NPEPL1: variants seen among roughly 807,000 people sequenced by gnomAD.
NPEPL1 encodes probable aminopeptidase NPEPL1.
A neutral mutation model predicts 52.4 loss-of-function variants in NPEPL1; 45 were observed. The observed-to-expected ratio is 0.86, with a 90% confidence interval of 0.68 to 1.10. The LOEUF (loss-of-function observed/expected upper bound fraction) is 1.10, where lower values mean the gene tolerates loss of function less well. Ranked by LOEUF, NPEPL1 falls within the 50% of genes least tolerant of loss-of-function variation. The probability of loss-of-function intolerance (pLI) is 0.00; values close to 1 mark genes in which losing one functional copy is unlikely to be tolerated. For missense variants in NPEPL1, 696 were observed against 710.9 expected, an observed-to-expected ratio of 0.98 and a Z score of 0.24; for synonymous variants, 360 against 314.7, an observed-to-expected ratio of 1.14 and a Z score of -1.52.
chr20:58,714,611 A>G lies in NPEPL1; in HGVS notation c.1354A>G (p.Ile452Val), dbSNP rs1376279156. 3.8e-6 allele frequency: 6 copies of G among 1,597,158 alleles called. 1 individual carries two copies. Among genetic ancestry groups the G allele is most frequent in the South Asian group, 2.3e-5 (2 of 88,514 alleles). Reference sequence around the variant, plus strand: ...TGCTGGCCTCTTCATCGCCTCACACATCGGCTTCGACTGGCCCGGAGTCTG... The same window carrying G: ...TGCTGGCCTCTTCATCGCCTCACACGTCGGCTTCGACTGGCCCGGAGTCTG... ...SCAGLFIASH[I>V]GFDWPGVWVH... The change falls in exon 11 of 12, where the codon ATC (isoleucine) becomes GTC (valine). Residue 452 changes from isoleucine to valine, a missense_variant. Physicochemically the swap from Ile to Val is conservative, Grantham distance 29. Coordinates refer to ENST00000356091, the MANE Select transcript of NPEPL1 (RefSeq NM_024663.4).
intron 3 of NPEPL1, among the ~76,000 whole-genome samples, chr20:58,695,340 G>T (rs1429109952): frequency 3.0e-3 from 5 of 1,682 alleles, no homozygotes; most frequent in Non-Finnish European, 8.4e-3. Flanking sequence ...TGGTGTGTGT[G>T]CATGTGTGTT....
At chr20:58,697,439 G>A (rs759103914) in intron 3 of NPEPL1, among the ~76,000 whole-genome samples, 9 of 152,232 alleles carry the variant, frequency 5.9e-5, no homozygotes, top group Non-Finnish European at 1.0e-4. Context: ...CGGCAGGGAC[G>A]GCTCAGGCAC....
chr20:58,712,111 A>C (rs912904), intron 7 of NPEPL1, among the ~76,000 whole-genome samples: 1 of 47,362 alleles, frequency 2.1e-5, no homozygotes, highest in Admixed American at 3.6e-4. Flanking sequence ...CTGTGTGTGT[A>C]CGTGTGTGTG....
At chr20:58,691,135 A>C (rs887308180), upstream of NPEPL1, 7 of 703,092 alleles carry the variant, frequency 1.0e-5, no homozygotes, top group African/African-American at 1.2e-4. Flanking sequence ...CTCTAGGAAG[A>C]TCCTCCAGCT....
intron 6 of NPEPL1, among the ~76,000 whole-genome samples, chr20:58,701,768 G>A (rs920623550): frequency 1.2e-4 from 19 of 152,250 alleles, no homozygotes; most frequent in African/African-American, 4.3e-4. Context: ...CCAAAGGCAC[G>A]TGACCCCCAA....
chr20:58,705,770 C>T (rs1252606687), intron 6 of NPEPL1, among the ~76,000 whole-genome samples: 2 of 152,180 alleles, frequency 1.3e-5, no homozygotes, highest in Non-Finnish European at 2.9e-5. Flanking sequence ...ACATGGTGTA[C>T]AGTGAGCAGC....
intron 6 of NPEPL1, among the ~76,000 whole-genome samples, chr20:58,703,273 G>A (rs376005112): frequency 5.3e-5 from 8 of 152,214 alleles, no homozygotes; most frequent in African/African-American, 1.2e-4. Flanking sequence ...AAACGCAACC[G>A]TAGCCACAGC....
upstream of NPEPL1, chr20:58,691,074 G>C (rs201333359): frequency 8.5e-6 from 6 of 702,558 alleles, no homozygotes; most frequent in East Asian, 1.6e-4. Context: ...CAATCTCTTC[G>C]CCTGTGGAAG....
rs2084932416 is a variant in NPEPL1 at position 58,715,337 on chromosome 20, T to G, written c.*11T>G. The G allele has an allele frequency of 6.3e-7, 1 of 1,592,526 alleles. No individual in the cohort carries two copies. The highest frequency in any genetic ancestry group is 1.3e-5 in the African/African-American group (1 of 74,138). On this transcript the variant is annotated 3_prime_UTR_variant, in exon 12 of 12. Transcript: ENST00000356091. ...CGCAGGCTTGTGTGAGCCTCCTGCC[T>G]CGGCCCTGACAAACGGGGATCTTTT... is the stretch of plus-strand genomic sequence containing the variant.
chr20:58,714,113 C>G lies in NPEPL1; in HGVS notation c.1302+20C>G. 6.5e-7 allele frequency: 1 copy of G among 1,528,610 alleles called. No individual in the cohort carries two copies. The highest frequency in any genetic ancestry group is 1.2e-5 in the South Asian group (1 of 80,300). 94.7% of individuals were successfully genotyped at this position (1,528,610 alleles called of 1,614,324 possible). On this transcript the variant is annotated intron_variant, in intron 10 of 11. Transcript: ENST00000356091. The stretch of plus-strand genomic sequence containing the variant: ...GTGGCGGTAGGTTTGGAGCCTCGAA[C>G]CTGGAGCCTGCCACATGGGTGGAGC...
intron 4 of NPEPL1, among the ~76,000 whole-genome samples, 176 bp from the exon 5 acceptor site, chr20:58,699,021 T>A (rs6092684): frequency 0.43 from 64,635 of 152,032 alleles, 14,093 homozygotes; most frequent in Non-Finnish European, 0.46. Flanking sequence ...GAAATGAGAG[T>A]GTGTGGAGGG....
intron 3 of NPEPL1, among the ~76,000 whole-genome samples, chr20:58,695,677 T>C (rs1282658136): frequency 2.0e-5 from 3 of 152,222 alleles, no homozygotes; most frequent in African/African-American, 7.2e-5. Flanking sequence ...CTGTGTGCTC[T>C]CTGAGGCCTG....
rs1381307663 is a variant in NPEPL1 at position 58,715,264 on chromosome 20, T to C, written c.1510T>C (p.Cys504Arg). 3 of 1,611,230 alleles carry C rather than the reference T, an allele frequency of 1.9e-6. No individual in the cohort carries two copies. In the Admixed American group the frequency reaches 5.0e-5, roughly 27 times the overall value. Residue 504 changes from cysteine (C) to arginine (R), a missense_variant, in exon 12 of 12, where the codon TGT becomes CGT. Cys to Arg is a radical substitution (Grantham distance 180). Coordinates refer to ENST00000356091, the MANE Select transcript of NPEPL1 (RefSeq NM_024663.4). ...GCTGAACCTGGTGTCCCCACTGGGC[T>C]GTGAGGTGGATGTCGAGGAGGGGGA... ...PLLNLVSPLG[C>R]EVDVEEGDLG... is the part of the protein sequence containing the mutation.
Position 58,694,464 on chromosome 20 carries a change from C to G in NPEPL1, c.379C>G (p.Leu127Val). The change falls in exon 3 of 12, where the codon CTG becomes GTG. Residue 127 changes from leucine (L) to valine (V), a missense_variant. Coordinates refer to ENST00000356091, the MANE Select transcript of NPEPL1 (RefSeq NM_024663.4). ...GGAGGTCTTTGCTTCCGCCTGTGCC[C>G]TGGCCCGGGCCTTCCCGCTGTTCAC... is the stretch of plus-strand genomic sequence containing the variant. ...QPEVFASACA[L>V]ARAFPLFTHR... 1 of 1,613,684 alleles carries G rather than the reference C, an allele frequency of 6.2e-7. No individual in the cohort carries two copies. Among genetic ancestry groups the G allele is most frequent in the Non-Finnish European group, 8.5e-7 (1 of 1,179,772 alleles).
intron 6 of NPEPL1, chr20:58,703,753 A>ACC (rs1359264767): frequency 5.1e-6 from 5 of 983,636 alleles, no homozygotes; most frequent in Middle Eastern, 5.2e-4. Context: ...GAAAAACCTG[A>ACC]CCACACAGGC....
chr20:58,698,582 G>A, intron 3 of NPEPL1, 102 bp from the exon 4 acceptor site: 1 of 911,912 alleles, frequency 1.1e-6, no homozygotes, highest in Non-Finnish European at 1.8e-6. Flanking sequence ...CAGTAGCCCT[G>A]TGGGTGATGT....
intron 3 of NPEPL1, among the ~76,000 whole-genome samples, chr20:58,695,979 G>T (rs2084482027): frequency 6.6e-6 from 1 of 152,130 alleles, no homozygotes; most frequent in Non-Finnish European, 1.5e-5. Context: ...TCCCCTTCAT[G>T]GCCTCTCCAG....
Position 58,713,572 on chromosome 20 carries a change from C to T in NPEPL1, c.1125+29C>T. The stretch of plus-strand genomic sequence containing the variant: ...AGTGCTCCCTGGATCCACCCCTTAG[C>T]TGTAGTCCCAGGGAACCCCACCCCA... On this transcript the variant is annotated intron_variant, in intron 9 of 11. Coordinates refer to ENST00000356091, the MANE Select transcript of NPEPL1 (RefSeq NM_024663.4). This position sits in a 1 kb window ranked among gnomAD's most constrained non-coding sequence, Gnocchi z 4.6. 1 of 1,561,076 alleles carries T rather than the reference C, an allele frequency of 6.4e-7. No individual in the cohort carries two copies. Among genetic ancestry groups the T allele is most frequent in the Non-Finnish European group, 8.7e-7 (1 of 1,147,810 alleles).
At position 58,713,716 on chromosome 20, in the gene NPEPL1, C is replaced by T. The variant is rs2084901792; in HGVS notation, c.1125+173C>T. On this transcript the variant is annotated intron_variant, in intron 9 of 11. Transcript: ENST00000356091. The surrounding 1 kb of genome is among the most constrained non-coding windows in gnomAD (Gnocchi z 4.6). ...AAGCTTGGTGTGGGCAGTACCGAGG[C>T]CCAGGCTGGATGCAGAGCCGGGAAC... 4.5e-6 allele frequency: 5 copies of T among 1,109,432 alleles called. No individual in the cohort carries two copies. Among genetic ancestry groups the T allele is most frequent in the Non-Finnish European group, 2.5e-6 (2 of 813,574 alleles). The allele number at this position is 1,109,432 out of a possible 1,614,324, so 68.7% of individuals were successfully genotyped here. A position where few individuals can be genotyped will look rare whatever the true frequency, so the allele number is the denominator to read the frequency against.
Sources: gnomAD v4.1 joint callset for allele counts (sites outside exome capture counted in the v4.1 genomes callset) on GRCh38, gnomAD v4.1.1 for gene constraint, Gnocchi (gnomAD v3.1) non-coding constraint, MANE v1.5 for transcripts, NCBI Gene and HGNC (gene_info 2026-07-23, HGNC 2026-07-21) for gene names.